Variants in FRMD4A observed in about 807,000 individuals in gnomAD.
The protein encoded by FRMD4A is FERM domain-containing protein 4A.
In FRMD4A, 29 loss-of-function variants were observed where a neutral mutation model predicts 129.1. That is an observed-to-expected ratio of 0.22 (90% CI 0.17 to 0.31). The LOEUF (loss-of-function observed/expected upper bound fraction) is 0.31. Among genes scored for constraint, FRMD4A ranks in the 10% least tolerant of loss-of-function variants. The pLI, the probability that FRMD4A is intolerant of heterozygous loss-of-function variation, is 1.00. For missense variants in FRMD4A, 1,272 were observed against 1,375.8 expected (o/e 0.92, Z 1.19); for synonymous variants, 634 against 571.6 (o/e 1.11, Z -1.56).
At chr10:14,266,910 A>G (rs1283113453) in intron 2 of FRMD4A, among the ~76,000 whole-genome samples, 1 of 152,240 alleles carries the variant, frequency 6.6e-6, no homozygotes, top group Non-Finnish European at 1.5e-5. Context: ...GCATACATAC[A>G]ATGGGTTCCC....
At chr10:14,017,517 C>G (rs1316342819) in intron 2 of FRMD4A, among the ~76,000 whole-genome samples, 2 of 152,212 alleles carry the variant, frequency 1.3e-5, no homozygotes, top group African/African-American at 4.8e-5. Context: ...TCTCAAATTT[C>G]AGGTGTCTTA....
chr10:14,234,849 G>GTGGC (rs1843748244), intron 2 of FRMD4A, among the ~76,000 whole-genome samples: 1 of 152,212 alleles, frequency 6.6e-6, no homozygotes. Context: ...AACAGCCCCT[G>GTGGC]TGGCTCTACG....
At chr10:13,824,321 CAA>C (rs397721588) in intron 3 of FRMD4A, among the ~76,000 whole-genome samples, 12,521 of 99,030 alleles carry the variant, frequency 0.13, 700 homozygotes, top group Admixed American at 0.22. Flanking sequence ...ACTAAAAATA[CAA>C]AAAAAAAAAA....
chr10:13,919,852 T>C (rs1013652760), intron 2 of FRMD4A, among the ~76,000 whole-genome samples: 2 of 152,078 alleles, frequency 1.3e-5, no homozygotes, highest in Non-Finnish European at 2.9e-5. Context: ...GCAGGAGGAT[T>C]GCTTGAACCC....
intron 2 of FRMD4A, among the ~76,000 whole-genome samples, chr10:14,082,632 G>A (rs1835995113): frequency 6.6e-6 from 1 of 152,136 alleles, no homozygotes; most frequent in Admixed American, 6.5e-5. Context: ...TGACGAAAAG[G>A]CACCTGAAAC....
chr10:13,963,194 C>T (rs1212152755), intron 2 of FRMD4A, among the ~76,000 whole-genome samples: 1 of 149,630 alleles, frequency 6.7e-6, no homozygotes. Flanking sequence ...CTGAAAAAAA[C>T]TAAAACAAAC....
At position 14,250,107 on chromosome 10, in the gene FRMD4A, C is replaced by T. The variant is rs145840151; in HGVS notation, c.45+79951G>A. Reference sequence around the variant, plus strand: ...TCCCAAGTAGCTGCGATTACAGGTGCGTGCTACCACGCCTGGCTAAGTGTT... The same window carrying T: ...TCCCAAGTAGCTGCGATTACAGGTGTGTGCTACCACGCCTGGCTAAGTGTT... On this transcript the variant is annotated intron_variant, in intron 2 of 24. Coordinates refer to ENST00000357447, the MANE Select transcript of FRMD4A (RefSeq NM_018027.5). 4.8e-3 allele frequency among the ~76,000 whole-genome samples: 733 copies of T among 152,216 alleles called. 11 individuals carry two copies. Among genetic ancestry groups the T allele is most frequent in the Middle Eastern group, 0.01 (3 of 294 alleles).
At chr10:14,250,642 G>T (rs934338031) in intron 2 of FRMD4A, among the ~76,000 whole-genome samples, 1 of 152,148 alleles carries the variant, frequency 6.6e-6, no homozygotes, top group African/African-American at 2.4e-5. Context: ...CTCTTCTAGA[G>T]AATTAGCTAG....
At chr10:13,916,940 CT>C (rs2095014940) in intron 2 of FRMD4A, among the ~76,000 whole-genome samples, 1 of 152,100 alleles carries the variant, frequency 6.6e-6, no homozygotes, top group African/African-American at 2.4e-5. Flanking sequence ...AAAACGAAAG[CT>C]TTGTGTGAGA....
Position 13,717,721 on chromosome 10 carries a change from CG to C in FRMD4A, c.760-10609del, listed in dbSNP as rs142901092. Among the ~76,000 whole-genome samples the C allele has an allele frequency of 0.013, 1,235 of 92,074 alleles. 54 individuals are homozygous for C. In the South Asian group the frequency reaches 0.14, roughly 10 times the overall value. 60.4% of individuals were successfully genotyped at this position (92,074 alleles called of 152,430 possible). On this transcript the variant is annotated intron_variant, in intron 12 of 24. Coordinates refer to ENST00000357447, the MANE Select transcript of FRMD4A (RefSeq NM_018027.5). ...TTTTTTTTTTTTTTTCCAGGGGTGG[CG>C]GGGGGGGTTGGCAGTTGGCATTTCT...
chr10:14,310,966 T>G (rs939456401), intron 2 of FRMD4A, among the ~76,000 whole-genome samples: 1 of 152,178 alleles, frequency 6.6e-6, no homozygotes, highest in African/African-American at 2.4e-5. Flanking sequence ...CAACAAATCT[T>G]GGGTAATTTC....
chr10:14,069,747 C>T (rs1013522362), intron 2 of FRMD4A, among the ~76,000 whole-genome samples: 2 of 152,122 alleles, frequency 1.3e-5, no homozygotes, highest in African/African-American at 4.8e-5. Context: ...GTTCTCCCTG[C>T]CCCTGCCCCA....
At chr10:13,903,707 A>T (rs889527223) in intron 2 of FRMD4A, among the ~76,000 whole-genome samples, 3 of 71,522 alleles carry the variant, frequency 4.2e-5, no homozygotes, top group African/African-American at 1.9e-4. Flanking sequence ...CCCCATCTCT[A>T]AAAAAATAAA....
chr10:13,866,322 G>T, intron 2 of FRMD4A: 1 of 968,708 alleles, frequency 1.0e-6, no homozygotes, highest in Non-Finnish European at 1.2e-6. Flanking sequence ...TGAGGATGTC[G>T]GATGCGGGAC....
At chr10:13,894,333 G>A (rs563912073) in intron 2 of FRMD4A, among the ~76,000 whole-genome samples, 263 of 152,272 alleles carry the variant, frequency 1.7e-3, no homozygotes, top group African/African-American at 6.0e-3. Flanking sequence ...GGCTTCCCTG[G>A]CTTTGGGGAC....
intron 2 of FRMD4A, among the ~76,000 whole-genome samples, chr10:14,105,580 A>G (rs2131782957): frequency 6.6e-6 from 1 of 152,334 alleles, no homozygotes; most frequent in African/African-American, 2.4e-5. Flanking sequence ...GAAAATGACC[A>G]TAATGCCATT....
At position 13,970,981 on chromosome 10, in the gene FRMD4A, G is replaced by T. The variant is rs954323391; in HGVS notation, c.46-112069C>A. ...GAGGCCACTATGTAAAGGAAAGGAG[G>T]CTCAGTGTTGGTGCCTGAGGATCTT... On this transcript the variant is annotated intron_variant, in intron 2 of 24. Coordinates refer to ENST00000357447, the MANE Select transcript of FRMD4A (RefSeq NM_018027.5). 1.3e-5 allele frequency among the ~76,000 whole-genome samples: 2 copies of T among 152,158 alleles called. 1 individual carries two copies. The highest frequency in any genetic ancestry group is 4.2e-4 in the South Asian group (2 of 4,816).
intron 2 of FRMD4A, among the ~76,000 whole-genome samples, chr10:13,960,755 A>G (rs1011651261): frequency 3.9e-5 from 6 of 152,190 alleles, no homozygotes; most frequent in Non-Finnish European, 5.9e-5. Flanking sequence ...GTGTGTGGTC[A>G]TGTGACCAAG....
intron 2 of FRMD4A, among the ~76,000 whole-genome samples, chr10:14,139,603 C>G (rs961219644): frequency 6.6e-6 from 1 of 152,016 alleles, no homozygotes; most frequent in Non-Finnish European, 1.5e-5. Context: ...GTGCATACCA[C>G]CACACTGGGC....
Sources: gnomAD v4.1 joint callset for allele counts (sites outside exome capture counted in the v4.1 genomes callset) on GRCh38, gnomAD v4.1.1 for gene constraint, MANE v1.5 for transcripts, NCBI Gene and HGNC (gene_info 2026-07-23, HGNC 2026-07-21) for gene names.